SDK1: variants seen among roughly 807,000 people sequenced by gnomAD.
SDK1 encodes the protein sidekick cell adhesion molecule 1.
SDK1 carries 157 observed loss-of-function variants against 245.5 expected under a neutral mutation model. The observed-to-expected ratio is 0.64, with a 90% CI of 0.56 to 0.73. SDK1 has a LOEUF of 0.73. Ranked by LOEUF, SDK1 falls within the 30% of genes least tolerant of loss-of-function variation. The pLI is 0.00. For missense variants in SDK1, 3,583 were observed against 3,002.3 expected (o/e 1.19, Z -4.52); for synonymous variants, 1,647 against 1,278.5 (o/e 1.29, Z -6.15).
At chr7:4,021,485 C>T (rs1301544177) in intron 17 of SDK1, among the ~76,000 whole-genome samples, 1 of 152,188 alleles carries the variant, frequency 6.6e-6, no homozygotes, top group Non-Finnish European at 1.5e-5. Flanking sequence ...ACTTTTCTCA[C>T]ATCAGGGGGT....
At chr7:3,307,620 C>G (rs377743958) in intron 1 of SDK1, among the ~76,000 whole-genome samples, 1 of 152,212 alleles carries the variant, frequency 6.6e-6, no homozygotes, top group East Asian at 1.9e-4. Context: ...AAGCCAGAAA[C>G]TCATTCCATC....
chr7:3,974,466 T>C lies in SDK1; in HGVS notation c.1915T>C (p.Ser639Pro). Reference protein sequence around the residue: ...DGSLLISQTWSGDIGDYSCEI... With the variant: ...DGSLLISQTWPGDIGDYSCEI... ...GTCCCTTCTCATCAGCCAGACGTGG[T>C]CAGGCGACATCGGTGACTACAGCTG... The change falls in exon 13 of 45, where the codon TCA becomes CCA. Residue 639 changes from serine (S) to proline (P), a missense_variant. Transcript: ENST00000404826. 1.2e-6 allele frequency: 2 copies of C among 1,614,122 alleles called. No individual in the cohort carries two copies. The highest frequency in any genetic ancestry group is 1.3e-5 in the African/African-American group (1 of 75,026).
intron 1 of SDK1, among the ~76,000 whole-genome samples, chr7:3,312,403 T>A (rs913509914): frequency 3.9e-5 from 6 of 152,114 alleles, no homozygotes; most frequent in Non-Finnish European, 7.4e-5. Context: ...ATGAATAGTA[T>A]TCCAGGAGAT....
chr7:3,499,236 T>C (rs771417644), intron 1 of SDK1, among the ~76,000 whole-genome samples: 60 of 152,252 alleles, frequency 3.9e-4, no homozygotes, highest in Non-Finnish European at 7.5e-4. Flanking sequence ...ATTTTTTGTA[T>C]TGATTTAATT....
At chr7:3,448,126 C>G (rs145713712) in intron 1 of SDK1, among the ~76,000 whole-genome samples, 1 of 152,102 alleles carries the variant, frequency 6.6e-6, no homozygotes, top group African/African-American at 2.4e-5. Flanking sequence ...GATTTCTTTC[C>G]TAAATGTTTA....
At chr7:3,811,028 C>T (rs1450410114) in intron 4 of SDK1, among the ~76,000 whole-genome samples, 2 of 152,044 alleles carry the variant, frequency 1.3e-5, no homozygotes, top group African/African-American at 4.8e-5. Flanking sequence ...GATATTTAGC[C>T]CCTAGAAGAG....
At chr7:3,414,687 T>A (rs1779312399) in intron 1 of SDK1, among the ~76,000 whole-genome samples, 1 of 152,344 alleles carries the variant, frequency 6.6e-6, no homozygotes, top group South Asian at 2.1e-4. Context: ...CTATCTTGAC[T>A]GCAGAACATT....
chr7:3,453,837 C>T (rs1395814447), intron 1 of SDK1, among the ~76,000 whole-genome samples: 1 of 152,098 alleles, frequency 6.6e-6, no homozygotes, highest in Non-Finnish European at 1.5e-5. Context: ...CTCCTGGACT[C>T]AAGTGATCCT....
chr7:3,349,388 A>G (rs1381655794), intron 1 of SDK1, among the ~76,000 whole-genome samples: 1 of 143,364 alleles, frequency 7.0e-6, no homozygotes, highest in Non-Finnish European at 1.5e-5. Context: ...TCCAACTGGA[A>G]GGGGAATGGG....
chr7:3,475,814 T>G (rs1781332709), intron 1 of SDK1, among the ~76,000 whole-genome samples: 2 of 152,320 alleles, frequency 1.3e-5, no homozygotes, highest in Admixed American at 6.5e-5. Flanking sequence ...GAACTGCATT[T>G]AAAAATCACC....
At chr7:3,755,645 T>G (rs368655979) in intron 4 of SDK1, among the ~76,000 whole-genome samples, 1 of 152,118 alleles carries the variant, frequency 6.6e-6, no homozygotes, top group African/African-American at 2.4e-5. Flanking sequence ...AAGTTCTCCG[T>G]GTCGTTCATT....
chr7:3,522,103 TC>T (rs1782957935), intron 1 of SDK1, among the ~76,000 whole-genome samples: 1 of 151,726 alleles, frequency 6.6e-6, no homozygotes, highest in South Asian at 2.1e-4. Context: ...AGTGACTACT[TC>T]ATTAACTCCT....
At chr7:4,142,877 A>G (rs1357114950) in intron 28 of SDK1, among the ~76,000 whole-genome samples, 1 of 152,258 alleles carries the variant, frequency 6.6e-6, no homozygotes, top group Non-Finnish European at 1.5e-5. Flanking sequence ...GCTTAAGCCT[A>G]GAAGGTCTCC....
chr7:3,981,338 C>T (rs187411354), intron 13 of SDK1, among the ~76,000 whole-genome samples: 52 of 152,296 alleles, frequency 3.4e-4, no homozygotes, highest in Middle Eastern at 3.4e-3. Context: ...TGTCTCCCTC[C>T]GTCTCCTTGG....
intron 40 of SDK1, among the ~76,000 whole-genome samples, chr7:4,224,497 A>C (rs975421385): frequency 3.3e-5 from 5 of 152,066 alleles, no homozygotes; most frequent in African/African-American, 1.2e-4. Context: ...TTCATGAGAA[A>C]CCCACTGCTG....
intron 4 of SDK1, among the ~76,000 whole-genome samples, chr7:3,655,833 G>C (rs182268451): frequency 5.9e-5 from 9 of 151,936 alleles, no homozygotes; most frequent in Non-Finnish European, 1.2e-4. Context: ...CCACGTGGTC[G>C]CTGTGTGACC....
chr7:3,386,140 A>G (rs1448383576), intron 1 of SDK1, among the ~76,000 whole-genome samples: 1 of 152,200 alleles, frequency 6.6e-6, no homozygotes, highest in Non-Finnish European at 1.5e-5. Flanking sequence ...ATAACTTTAA[A>G]AAAAATTGGA....
intron 4 of SDK1, among the ~76,000 whole-genome samples, chr7:3,812,348 G>A (rs886351720): frequency 6.6e-6 from 1 of 152,114 alleles, no homozygotes; most frequent in Non-Finnish European, 1.5e-5. Context: ...GAGGATCCTT[G>A]TGTGCAGGGA....
At chr7:4,112,758 A>ATTTT (rs10637008) in intron 23 of SDK1, among the ~76,000 whole-genome samples, 4 of 147,062 alleles carry the variant, frequency 2.7e-5, no homozygotes, top group African/African-American at 1.0e-4. Flanking sequence ...TGCAATTTGC[A>ATTTT]TTTTTTTTTT....
Sources: gnomAD v4.1 joint callset for allele counts (sites outside exome capture counted in the v4.1 genomes callset) on GRCh38, gnomAD v4.1.1 for gene constraint, MANE v1.5 for transcripts, NCBI Gene and HGNC (gene_info 2026-07-23, HGNC 2026-07-21) for gene names.